Variants in IQCM observed in about 807,000 individuals in gnomAD.
IQCM encodes IQ motif containing M, also known as IQ domain-containing protein M.
Under a neutral mutation model 57.6 loss-of-function variants are expected in IQCM, and 45 were observed. That is an observed-to-expected ratio of 0.78 (90% CI 0.62 to 1.00). The LOEUF (loss-of-function observed/expected upper bound fraction) is 1.00, where lower values mean the gene tolerates loss of function less well. Among genes scored for constraint, IQCM ranks in the 50% least tolerant of loss-of-function variants. IQCM has a pLI of 0.00. For missense variants in IQCM, 468 were observed against 511.6 expected (o/e 0.91, Z 0.82); for synonymous variants, 148 against 158.9 (o/e 0.93, Z 0.51).
intron 12 of IQCM, among the ~76,000 whole-genome samples, chr4:149,535,093 T>C (rs1747153455): frequency 1.3e-5 from 2 of 152,166 alleles, no homozygotes; most frequent in African/African-American, 4.8e-5. Flanking sequence ...TTACTAAATA[T>C]GACTTAAACA....
intron 2 of IQCM, among the ~76,000 whole-genome samples, chr4:149,773,869 TTTTG>T (rs1770822889): frequency 6.6e-6 from 1 of 152,258 alleles, no homozygotes; most frequent in South Asian, 2.1e-4. Context: ...CTTTGGTGTT[TTTTG>T]TTTGTTAACT....
chr4:149,538,264 G>A (rs536915487), intron 12 of IQCM, among the ~76,000 whole-genome samples: 11 of 151,774 alleles, frequency 7.2e-5, no homozygotes, highest in Admixed American at 6.6e-4. Context: ...ACAGGAAGCT[G>A]TATTGAAGCA....
chr4:149,729,172 T>G (rs1251713139), intron 5 of IQCM, among the ~76,000 whole-genome samples: 1 of 152,216 alleles, frequency 6.6e-6, no homozygotes, highest in Non-Finnish European at 1.5e-5. Context: ...GATTTTGTCC[T>G]GGGACGCGCT....
intron 12 of IQCM, among the ~76,000 whole-genome samples, chr4:149,487,643 G>T (rs1325393012): frequency 2.0e-5 from 3 of 152,172 alleles, no homozygotes; most frequent in African/African-American, 7.2e-5. Context: ...GGCTAGGTAA[G>T]CTCCAAGTGC....
chr4:149,413,404 A>C (rs1733520276), intron 13 of IQCM, among the ~76,000 whole-genome samples: 1 of 152,162 alleles, frequency 6.6e-6, no homozygotes, highest in Admixed American at 6.6e-5. Flanking sequence ...CTAAACCTGT[A>C]GCGGGGAGCA....
At chr4:149,773,679 C>G (rs923899241) in intron 2 of IQCM, among the ~76,000 whole-genome samples, 3 of 152,224 alleles carry the variant, frequency 2.0e-5, no homozygotes, top group African/African-American at 7.2e-5. Context: ...CTTCACTGTT[C>G]ATTAGCACTC....
At chr4:149,575,022 G>A (rs1053247278) in intron 9 of IQCM, among the ~76,000 whole-genome samples, 7 of 151,852 alleles carry the variant, frequency 4.6e-5, no homozygotes, top group Non-Finnish European at 1.0e-4. Flanking sequence ...GATTAGACTA[G>A]CATGCCTGCT....
chr4:149,594,950 G>A (rs773170631), intron 8 of IQCM, among the ~76,000 whole-genome samples: 5 of 152,102 alleles, frequency 3.3e-5, no homozygotes, highest in African/African-American at 4.8e-5. Context: ...GGGGTGGAGA[G>A]TTCTGTAGAT....
chr4:149,715,952 C>T (rs982913525), intron 5 of IQCM, among the ~76,000 whole-genome samples: 3 of 152,160 alleles, frequency 2.0e-5, no homozygotes, highest in African/African-American at 4.8e-5. Context: ...GGAGAAAGTG[C>T]TTACTGATTG....
At chr4:149,765,238 C>T (rs1194840164) in intron 2 of IQCM, among the ~76,000 whole-genome samples, 1 of 151,974 alleles carries the variant, frequency 6.6e-6, no homozygotes, top group Non-Finnish European at 1.5e-5. Context: ...CAGTCTTCAC[C>T]TAGATGAGGT....
intron 9 of IQCM, among the ~76,000 whole-genome samples, chr4:149,578,528 A>T (rs1474134779): frequency 6.6e-6 from 1 of 151,766 alleles, no homozygotes; most frequent in African/African-American, 2.4e-5. Context: ...ACAGTTATTT[A>T]TTCCTCTTGG....
intron 12 of IQCM, among the ~76,000 whole-genome samples, chr4:149,503,512 G>C (rs1743478217): frequency 6.6e-6 from 1 of 152,040 alleles, no homozygotes; most frequent in Non-Finnish European, 1.5e-5. Context: ...GACACCTATA[G>C]AGTTTTTAGA....
chr4:149,517,304 T>C (rs1029228078), intron 12 of IQCM, among the ~76,000 whole-genome samples: 2 of 152,214 alleles, frequency 1.3e-5, no homozygotes, highest in Admixed American at 6.5e-5. Flanking sequence ...TGTGCATGTA[T>C]ACACTTGTAC....
chr4:149,523,336 A>T (rs190653055), intron 12 of IQCM, among the ~76,000 whole-genome samples: 1 of 152,288 alleles, frequency 6.6e-6, no homozygotes, highest in Admixed American at 6.5e-5. Flanking sequence ...AAAAAGCATC[A>T]GACAAAGTAT....
chr4:149,726,139 GAAA>G (rs1308034066), intron 5 of IQCM, among the ~76,000 whole-genome samples: 2 of 126,964 alleles, frequency 1.6e-5, no homozygotes, highest in Non-Finnish European at 3.3e-5. Context: ...AAGAAAGAAA[GAAA>G]AGAAAGAAAG....
At chr4:149,592,184 T>C (rs929788747) in intron 8 of IQCM, among the ~76,000 whole-genome samples, 2 of 152,232 alleles carry the variant, frequency 1.3e-5, no homozygotes, top group African/African-American at 2.4e-5. Context: ...GTGGTTTTGA[T>C]ATGCATTTCT....
chr4:149,485,100 ATGT>A (rs1741327345), intron 12 of IQCM, among the ~76,000 whole-genome samples: 1 of 151,888 alleles, frequency 6.6e-6, no homozygotes, highest in Non-Finnish European at 1.5e-5. Flanking sequence ...GCTCCATTGT[ATGT>A]TATCTGTTTC....
intron 5 of IQCM, among the ~76,000 whole-genome samples, chr4:149,719,452 T>A (rs1317598539): frequency 6.6e-6 from 1 of 152,080 alleles, no homozygotes; most frequent in East Asian, 1.9e-4. Flanking sequence ...AACTACCAAG[T>A]GATAAAGCTG....
At chr4:149,524,530 A>C (rs1745972364) in intron 12 of IQCM, among the ~76,000 whole-genome samples, 1 of 152,074 alleles carries the variant, frequency 6.6e-6, no homozygotes, top group Non-Finnish European at 1.5e-5. Flanking sequence ...AAAAATTAGG[A>C]GAACTAGAGT....
Sources: allele counts gnomAD v4.1 joint callset (sites outside exome capture counted in the v4.1 genomes callset), GRCh38; gene constraint gnomAD v4.1.1; transcripts MANE v1.5; gene names NCBI Gene and HGNC (gene_info 2026-07-23, HGNC 2026-07-21).